Variants in SMAD2 observed in about 807,000 individuals in gnomAD.
SMAD2 encodes SMAD family member 2.
In SMAD2, 8 loss-of-function variants were observed where a neutral mutation model predicts 64.4. That is an observed-to-expected ratio of 0.12 (90% CI 0.07 to 0.22). The LOEUF (loss-of-function observed/expected upper bound fraction) is 0.22, where lower values mean the gene tolerates loss of function less well. SMAD2 is among the 10% of genes least tolerant of loss of function. The probability of loss-of-function intolerance (pLI) is 1.00; values close to 1 mark genes in which losing one functional copy is unlikely to be tolerated. For missense variants in SMAD2, 289 were observed against 561.2 expected, an observed-to-expected ratio of 0.51 and a Z score of 4.90; for synonymous variants, 203 against 195.8, an observed-to-expected ratio of 1.04 and a Z score of -0.31.
At chr18:47,888,019 T>C (rs1051711495) in intron 2 of SMAD2, among the ~76,000 whole-genome samples, 4 of 152,222 alleles carry the variant, frequency 2.6e-5, no homozygotes, top group African/African-American at 2.4e-5. Context: ...ATGAACACTA[T>C]AGCACCTCAA....
intron 2 of SMAD2, among the ~76,000 whole-genome samples, chr18:47,893,611 T>C (rs574638000): frequency 4.9e-4 from 75 of 152,338 alleles, no homozygotes; most frequent in Admixed American, 3.6e-3. Flanking sequence ...ACAAATCTTT[T>C]CCATCCCACT....
chr18:47,833,332 G>A lies in SMAD2; in HGVS notation c.*8495C>T. On this transcript the variant is annotated 3_prime_UTR_variant, in exon 11 of 11. Coordinates refer to ENST00000262160, the MANE Select transcript of SMAD2 (RefSeq NM_005901.6). ...ATAGACTAAAATATTTGGTGTAGGT[G>A]GGAGAAAGACATCAGTATTCAACAA... 1 of 220,902 alleles carries A rather than the reference G, an allele frequency of 4.5e-6. No homozygotes were observed. The highest frequency in any genetic ancestry group is 2.2e-5 in the African/African-American group (1 of 44,746). The allele number at this position is 220,902 out of a possible 1,614,324, so 13.7% of individuals were successfully genotyped here.
In SMAD2 at chr18:47,830,253, T is replaced by A. The variant is rs1165874345; in HGVS notation, c.*11574A>T. 2 of 152,164 alleles carry A rather than the reference T, an allele frequency of 1.3e-5. No individual in the cohort carries two copies. The highest frequency in any genetic ancestry group is 2.9e-5 in the Non-Finnish European group (2 of 68,026). 9.4% of individuals were successfully genotyped at this position (152,164 alleles called of 1,614,324 possible). A position where few individuals can be genotyped will look rare whatever the true frequency, so the allele number is the denominator to read the frequency against. Reference sequence around the variant, plus strand: ...GCAACCTAGACATTCCTATAAAACATTTTTATTCCAGGTGGTAAGCTGGCT... The same window carrying A: ...GCAACCTAGACATTCCTATAAAACAATTTTATTCCAGGTGGTAAGCTGGCT... On this transcript the variant is annotated 3_prime_UTR_variant, in exon 11 of 11. Transcript: ENST00000262160.
intron 1 of SMAD2, among the ~76,000 whole-genome samples, chr18:47,926,654 G>T (rs1217018521): frequency 6.6e-6 from 1 of 152,102 alleles, no homozygotes; most frequent in Non-Finnish European, 1.5e-5. Flanking sequence ...GGTCTCCAAG[G>T]CTCTCCTAAG....
intron 2 of SMAD2, 64 bp from the exon 3 acceptor site, chr18:47,870,628 A>G: frequency 5.9e-6 from 6 of 1,017,486 alleles, no homozygotes; most frequent in African/African-American, 1.6e-5. Flanking sequence ...TCAAAATACC[A>G]TGATGTAAAA....
intron 6 of SMAD2, among the ~76,000 whole-genome samples, chr18:47,857,774 G>C (rs16958545): frequency 6.6e-6 from 1 of 152,162 alleles, no homozygotes; most frequent in African/African-American, 2.4e-5. Flanking sequence ...GACAGGAATC[G>C]AAGAAGCTGC....
At chr18:47,896,240 TTTATTCAAG>T (rs1385780872) in intron 2 of SMAD2, among the ~76,000 whole-genome samples, 1 of 152,262 alleles carries the variant, frequency 6.6e-6, no homozygotes, top group Non-Finnish European at 1.5e-5. Context: ...GCTTCAATTC[TTTATTCAAG>T]TATCATTCAA....
At chr18:47,847,809 T>A (rs1215142570) in intron 8 of SMAD2, among the ~76,000 whole-genome samples, 1 of 151,674 alleles carries the variant, frequency 6.6e-6, no homozygotes, top group Non-Finnish European at 1.5e-5. Flanking sequence ...TGCAAAATCA[T>A]ATGCATGTAG....
chr18:47,916,027 T>C (rs1356392223), intron 1 of SMAD2, among the ~76,000 whole-genome samples: 1 of 152,246 alleles, frequency 6.6e-6, no homozygotes, highest in Non-Finnish European at 1.5e-5. Flanking sequence ...AAAATTATCA[T>C]ATGGCCTTTC....
At chr18:47,915,798 C>A (rs576416651) in intron 1 of SMAD2, among the ~76,000 whole-genome samples, 1 of 152,196 alleles carries the variant, frequency 6.6e-6, no homozygotes, top group Non-Finnish European at 1.5e-5. Flanking sequence ...GTCTCCCTTA[C>A]GTTCCTTTTC....
At chr18:47,870,695 T>C (rs1311773285) in intron 2 of SMAD2, 131 bp from the exon 3 acceptor site, 1 of 743,080 alleles carries the variant, frequency 1.3e-6, no homozygotes, top group Non-Finnish European at 2.4e-6. Context: ...TGCTTCACTT[T>C]TTCACAGGCA....
intron 6 of SMAD2, among the ~76,000 whole-genome samples, chr18:47,856,494 A>G (rs1407138334): frequency 1.3e-5 from 2 of 152,218 alleles, no homozygotes; most frequent in Admixed American, 1.3e-4. Flanking sequence ...CTGAATACAG[A>G]CTAAAGTGTT....
At chr18:47,861,705 T>G (rs979916401) in intron 6 of SMAD2, among the ~76,000 whole-genome samples, 1 of 152,252 alleles carries the variant, frequency 6.6e-6, no homozygotes, top group Non-Finnish European at 1.5e-5. Flanking sequence ...TTTATAGAGC[T>G]GATCCTAAAC....
intron 1 of SMAD2, among the ~76,000 whole-genome samples, chr18:47,919,504 AC>A (rs2034477869): frequency 2.0e-5 from 3 of 147,840 alleles, no homozygotes; most frequent in Non-Finnish European, 4.5e-5. Context: ...ACACACACAC[AC>A]ACACACACAC....
At chr18:47,843,342 C>CA (rs1420483053) in intron 10 of SMAD2, among the ~76,000 whole-genome samples, 7 of 152,166 alleles carry the variant, frequency 4.6e-5, no homozygotes, top group Non-Finnish European at 7.4e-5. Context: ...GTGACCCACC[C>CA]ACTCTGGTAG....
intron 1 of SMAD2, among the ~76,000 whole-genome samples, chr18:47,927,344 C>T (rs2034806520): frequency 6.6e-6 from 1 of 152,172 alleles, no homozygotes; most frequent in Admixed American, 6.5e-5. Flanking sequence ...TTCCCTAGTG[C>T]TATCTGCTAC....
intron 1 of SMAD2, among the ~76,000 whole-genome samples, chr18:47,911,836 C>T (rs908835444): frequency 6.6e-5 from 10 of 152,114 alleles, no homozygotes; most frequent in African/African-American, 2.2e-4. Flanking sequence ...AGCAAATACA[C>T]AAAACTCCAT....
chr18:47,924,244 G>C (rs1001542034), intron 1 of SMAD2, among the ~76,000 whole-genome samples: 1 of 90,754 alleles, frequency 1.1e-5, no homozygotes, highest in Non-Finnish European at 2.1e-5. Context: ...GCAAAACTCC[G>C]TCTCAAAAAA....
In SMAD2 at chr18:47,837,576, A is replaced by AAG. The variant is rs1913545960; in HGVS notation, c.*4250_*4251insCT. On this transcript the variant is annotated 3_prime_UTR_variant, in exon 11 of 11. Coordinates refer to ENST00000262160, the MANE Select transcript of SMAD2 (RefSeq NM_005901.6). Reference sequence around the variant, plus strand: ...GACTCCCTCTCAAAAAAAAAAAAAAAAAACAAAAAACAAGGCTAACAAGAA... The same window carrying AAG: ...GACTCCCTCTCAAAAAAAAAAAAAAAAGAAACAAAAAACAAGGCTAACAAGAA... 4.4e-6 allele frequency: 1 copy of AAG among 228,010 alleles called. No individual in the cohort carries two copies. Among genetic ancestry groups the AAG allele is most frequent in the Non-Finnish European group, 8.6e-6 (1 of 115,698 alleles). 14.1% of individuals were successfully genotyped at this position (228,010 alleles called of 1,614,324 possible).
Sources: gnomAD v4.1 joint callset for allele counts (sites outside exome capture counted in the v4.1 genomes callset) on GRCh38, gnomAD v4.1.1 for gene constraint, MANE v1.5 for transcripts, NCBI Gene and HGNC (gene_info 2026-07-23, HGNC 2026-07-21) for gene names.